The following GOLGB1 variants were observed in gnomAD, a reference collection of about 807,000 sequenced individuals.
GOLGB1 encodes the protein golgin B1.
A neutral mutation model predicts 336.9 loss-of-function variants in GOLGB1; 174 were observed. The ratio of observed to expected loss-of-function variants is 0.52; its 90% confidence interval spans 0.46 to 0.59. GOLGB1 has a LOEUF of 0.59. GOLGB1 is among the 20% of genes least tolerant of loss of function. GOLGB1 has a pLI of 0.00. For missense variants in GOLGB1, 3,331 were observed against 3,645.3 expected (o/e 0.91, Z 2.22); for synonymous variants, 1,208 against 1,289.2 (o/e 0.94, Z 1.35).
intron 15 of GOLGB1, among the ~76,000 whole-genome samples, chr3:121,679,880 A>T (rs901827895): frequency 1.3e-5 from 2 of 151,928 alleles, no homozygotes; most frequent in African/African-American, 4.8e-5. Flanking sequence ...TTAATAAGGC[A>T]CTCTTCCTTG....
intron 14 of GOLGB1, among the ~76,000 whole-genome samples, chr3:121,686,041 G>C (rs956100497): frequency 6.6e-6 from 1 of 152,094 alleles, no homozygotes; most frequent in Admixed American, 6.5e-5. Flanking sequence ...TGAACTGGAC[G>C]TAATTCTTTT....
rs1030481346 is a variant in GOLGB1, at chr3:121,681,746, A to C, written c.8814T>G (p.Ile2938Met). Residue 2938 changes from isoleucine (I) to methionine (M), a missense_variant, in exon 15 of 22, where the codon ATT (isoleucine) becomes ATG (methionine). Ile to Met is a conservative substitution (Grantham distance 10). Coordinates refer to ENST00000614479, the MANE Select transcript of GOLGB1 (RefSeq NM_001366282.2). ...TTTCCTGCCTGAGCTCTTCTTGCATAATCTGAAATGCTTTTGTCTTATCTT... is the reference window on the plus strand; with the variant it reads ...TTTCCTGCCTGAGCTCTTCTTGCATCATCTGAAATGCTTTTGTCTTATCTT... ...EYQDKTKAFQ[I>M]MQEELRQENL... 1.9e-6 allele frequency: 3 copies of C among 1,612,692 alleles called. No individual in the cohort carries two copies. The African/African-American group carries it at 4.0e-5, about 22-fold the overall frequency.
intron 4 of GOLGB1, among the ~76,000 whole-genome samples, chr3:121,728,640 C>T (rs1019281314): frequency 6.6e-6 from 1 of 152,174 alleles, no homozygotes; most frequent in Non-Finnish European, 1.5e-5. Flanking sequence ...TCCTCTGTAT[C>T]TCCAACCTTA....
At position 121,729,346 on chromosome 3, in the gene GOLGB1, CA is replaced by C; in HGVS notation, c.250-7del. 1.2e-6 allele frequency: 2 copies of C among 1,606,696 alleles called. No homozygotes were observed. Among genetic ancestry groups the C allele is most frequent in the Non-Finnish European group, 1.7e-6 (2 of 1,175,200 alleles). ...TCAGCAGCTTTTCTCTCTTCCTGCCCAAAAACAATGATGGTAAATACATAAA... is the reference window on the plus strand; with the variant it reads ...TCAGCAGCTTTTCTCTCTTCCTGCCCAAAACAATGATGGTAAATACATAAA... On this transcript the variant is annotated splice_region_variant and splice_polypyrimidine_tract_variant and intron_variant, in intron 3 of 21. Coordinates refer to ENST00000614479, the MANE Select transcript of GOLGB1 (RefSeq NM_001366282.2).
At chr3:121,720,869 C>T (rs978638118) in intron 6 of GOLGB1, among the ~76,000 whole-genome samples, 4 of 152,122 alleles carry the variant, frequency 2.6e-5, no homozygotes, top group Non-Finnish European at 5.9e-5. Context: ...CCAACTTTTC[C>T]GTGTAATTTT....
chr3:121,718,333 CG>C (rs1944928428), intron 8 of GOLGB1, 54 bp downstream of exon 8: 1 of 1,142,610 alleles, frequency 8.8e-7, no homozygotes, highest in South Asian at 1.3e-5. Flanking sequence ...GCCTGGCAAA[CG>C]AAAGTGGAAA....
chr3:121,704,700 C>T (rs897740499), intron 10 of GOLGB1, among the ~76,000 whole-genome samples: 1 of 145,830 alleles, frequency 6.9e-6, no homozygotes, highest in African/African-American at 2.5e-5. Context: ...TGCTTGAACC[C>T]AGGAGGCACA....
Position 121,664,554 on chromosome 3 carries a change from C to T in GOLGB1, c.9721G>A (p.Val3241Met). The change falls in exon 22 of 22, where the codon GTG becomes ATG. Residue 3241 changes from valine (V) to methionine (M), a missense_variant. Val to Met is a conservative substitution (Grantham distance 21). Transcript: ENST00000614479. ...AAGTAGATGGCTGCTAGAAGTGGCA[C>T]TCGGGTCCGTGAATGACAGAGTGAA... ...LRSLCHSRTR[V>M]PLLAAIYFLM... The T allele has an allele frequency of 6.2e-7, 1 of 1,613,664 alleles. No homozygotes were observed. The highest frequency in any genetic ancestry group is 1.1e-5 in the South Asian group (1 of 91,080).
intron 11 of GOLGB1, 48 bp downstream of exon 11, chr3:121,702,433 A>C: frequency 1.4e-6 from 1 of 735,234 alleles, no homozygotes; most frequent in Non-Finnish European, 2.1e-6. Flanking sequence ...AAGTAGAGGC[A>C]CTTGTGGGAT....
chr3:121,687,012 G>A (rs765372517), intron 14 of GOLGB1, among the ~76,000 whole-genome samples: 10 of 152,274 alleles, frequency 6.6e-5, no homozygotes, highest in African/African-American at 1.2e-4. Flanking sequence ...GGTGGCTCAC[G>A]CCTGTAATTC....
chr3:121,719,830 C>G, intron 6 of GOLGB1, 62 bp from the exon 7 acceptor site: 1 of 1,420,030 alleles, frequency 7.0e-7, no homozygotes, highest in Non-Finnish European at 9.4e-7. Context: ...ACAAATAAAA[C>G]TCACAGACTA....
chr3:121,724,178 C>CA lies in GOLGB1; in HGVS notation c.532-1801dup, dbSNP rs199708543. On this transcript the variant is annotated intron_variant, in intron 5 of 21. Coordinates refer to ENST00000614479, the MANE Select transcript of GOLGB1 (RefSeq NM_001366282.2). Reference sequence around the variant, plus strand: ...CTGGAAAAATTCTGAGGAACTAGCTCAAAAAAAAAATGCCTAGATTCTGAT... The same window carrying CA: ...CTGGAAAAATTCTGAGGAACTAGCTCAAAAAAAAAAATGCCTAGATTCTGAT... Among the ~76,000 whole-genome samples, 605 of 147,010 alleles carry CA rather than the reference C, an allele frequency of 4.1e-3. 4 individuals carry two copies. The highest frequency in any genetic ancestry group is 0.013 in the East Asian group (68 of 5,106).
intron 17 of GOLGB1, among the ~76,000 whole-genome samples, chr3:121,670,928 A>G (rs1939445973): frequency 6.6e-6 from 1 of 152,200 alleles, no homozygotes; most frequent in Admixed American, 6.5e-5. Flanking sequence ...CCTGGCCACA[A>G]TGAACAGTCC....
At chr3:121,720,898 C>T (rs1421592845) in intron 6 of GOLGB1, among the ~76,000 whole-genome samples, 1 of 152,198 alleles carries the variant, frequency 6.6e-6, no homozygotes, top group African/African-American at 2.4e-5. Flanking sequence ...GTCAAACTCA[C>T]AGTAACCTCT....
chr3:121,711,604 G>C (rs578017212), intron 10 of GOLGB1, among the ~76,000 whole-genome samples: 2 of 152,170 alleles, frequency 1.3e-5, no homozygotes, highest in Admixed American at 6.5e-5. Flanking sequence ...TCTACAAAAA[G>C]AGACTAAAAC....
At chr3:121,672,353 C>T (rs982142047) in intron 17 of GOLGB1, among the ~76,000 whole-genome samples, 1 of 152,072 alleles carries the variant, frequency 6.6e-6, no homozygotes, top group Non-Finnish European at 1.5e-5. Context: ...CTCACTATAG[C>T]TTTGATTTAC....
In GOLGB1 at chr3:121,714,913, T is replaced by A; in HGVS notation, c.1352A>T (p.His451Leu). ...QFLNRLPLQQ[H>L]ETASQTSFPD... ...GAAAGAAGTCTGAGATGCTGTTTCA[T>A]GTTGTTGCAAGGGCAGTCTATTTAG... The change falls in exon 10 of 22, where the codon CAT becomes CTT. Residue 451 changes from histidine (H) to leucine (L), a missense_variant. Coordinates refer to ENST00000614479, the MANE Select transcript of GOLGB1 (RefSeq NM_001366282.2). 2 of 1,613,434 alleles carry A rather than the reference T, an allele frequency of 1.2e-6. No homozygotes were observed. The highest frequency in any genetic ancestry group is 1.7e-6 in the Non-Finnish European group (2 of 1,179,462).
rs758712136 is a variant in GOLGB1, at chr3:121,690,973, C to A, written c.8391G>T (p.Met2797Ile). The change falls in exon 14 of 22, where the codon ATG becomes ATT. Residue 2797 changes from methionine (M) to isoleucine (I), a missense_variant. Coordinates refer to ENST00000614479, the MANE Select transcript of GOLGB1 (RefSeq NM_001366282.2). ...ACAAGCTATTCTCCTCAGTGGAGTT[C>A]ATTGAAAAGGCGGTTTCAGAAAGAA... The part of the protein sequence containing the change: ...DALLSETAFS[M>I]NSTEENSLSH... 6.2e-7 allele frequency: 1 copy of A among 1,614,120 alleles called. No individual in the cohort carries two copies. The highest frequency in any genetic ancestry group is 1.1e-5 in the South Asian group (1 of 91,076).
At chr3:121,690,342 T>C (rs530447772) in intron 14 of GOLGB1, among the ~76,000 whole-genome samples, 16 of 152,320 alleles carry the variant, frequency 1.1e-4, no homozygotes, top group Admixed American at 9.8e-4. Flanking sequence ...AGTTAAGCTA[T>C]GACAAATTCT....
Sources: gnomAD v4.1 joint callset for allele counts (sites outside exome capture counted in the v4.1 genomes callset) on GRCh38, gnomAD v4.1.1 for gene constraint, MANE v1.5 for transcripts, NCBI Gene and HGNC (gene_info 2026-07-23, HGNC 2026-07-21) for gene names.